The following PTPRK variants were observed in gnomAD, a reference collection of about 807,000 sequenced individuals.
The protein encoded by PTPRK is receptor-type tyrosine-protein phosphatase kappa.
Under a neutral mutation model 178.0 loss-of-function variants are expected in PTPRK, and 75 were observed. The observed-to-expected ratio is 0.42, with a 90% CI of 0.35 to 0.51. The LOEUF is 0.51. Ranked by LOEUF, PTPRK falls within the 20% of genes least tolerant of loss-of-function variation. PTPRK has a pLI of 0.02. For missense variants in PTPRK, 1,441 were observed against 1,797.8 expected, an observed-to-expected ratio of 0.80 and a Z score of 3.59; for synonymous variants, 637 against 620.6, an observed-to-expected ratio of 1.03 and a Z score of -0.39.
intron 2 of PTPRK, among the ~76,000 whole-genome samples, chr6:128,363,548 A>G (rs931422255): frequency 6.6e-6 from 1 of 152,142 alleles, no homozygotes; most frequent in African/African-American, 2.4e-5. Context: ...CTACTTGATA[A>G]AACAGTACCT....
intron 13 of PTPRK, among the ~76,000 whole-genome samples, chr6:128,059,972 G>C (rs893184546): frequency 6.6e-6 from 1 of 152,066 alleles, no homozygotes; most frequent in South Asian, 2.1e-4. Context: ...CACCCTTGAA[G>C]GTCCTCAACT....
intron 2 of PTPRK, among the ~76,000 whole-genome samples, chr6:128,325,390 C>T (rs1584166820): frequency 6.6e-6 from 1 of 152,090 alleles, no homozygotes; most frequent in South Asian, 2.1e-4. Context: ...AACAGGCAAA[C>T]TACAGAATGG....
chr6:128,133,021 C>T lies in PTPRK; in HGVS notation c.1163-43029G>A, dbSNP rs1229247587. On this transcript the variant is annotated intron_variant, in intron 7 of 29. Coordinates refer to ENST00000368226, the MANE Select transcript of PTPRK (RefSeq NM_002844.4). ...TGAAGTAGAACTGATACATTTCTAA[C>T]AAAAACTCATTAGTCAAAAATTCCA... 7.9e-5 allele frequency among the ~76,000 whole-genome samples: 12 copies of T among 152,264 alleles called. No homozygotes were observed. In the South Asian group the frequency reaches 2.5e-3, roughly 32 times the overall value.
At chr6:128,104,548 A>G (rs1789364688) in intron 7 of PTPRK, among the ~76,000 whole-genome samples, 1 of 152,180 alleles carries the variant, frequency 6.6e-6, no homozygotes, top group Non-Finnish European at 1.5e-5. Context: ...ATACTAAAAT[A>G]CTTGGTACGT....
At chr6:128,456,999 C>G (rs998124147) in intron 1 of PTPRK, among the ~76,000 whole-genome samples, 4 of 152,014 alleles carry the variant, frequency 2.6e-5, no homozygotes, top group Admixed American at 1.3e-4. Flanking sequence ...CTATTTGGTC[C>G]TGCAGTGAAG....
intron 5 of PTPRK, chr6:128,235,436 A>G (rs1457285668): frequency 7.4e-6 from 2 of 269,932 alleles, no homozygotes; most frequent in Non-Finnish European, 1.6e-5. Context: ...ATATGTTATA[A>G]TTTCACTTTT....
chr6:128,097,424 C>T (rs1261384564), intron 7 of PTPRK, among the ~76,000 whole-genome samples: 1 of 152,102 alleles, frequency 6.6e-6, no homozygotes, highest in African/African-American at 2.4e-5. Context: ...ACACTTGGAT[C>T]CTCTCTGCAT....
intron 7 of PTPRK, among the ~76,000 whole-genome samples, chr6:128,125,133 G>C (rs1793130173): frequency 6.6e-6 from 1 of 152,130 alleles, no homozygotes; most frequent in Non-Finnish European, 1.5e-5. Flanking sequence ...TGTCTCTATA[G>C]TTTTGCCTTT....
intron 7 of PTPRK, among the ~76,000 whole-genome samples, chr6:128,125,535 T>C (rs1793192759): frequency 6.6e-6 from 1 of 151,748 alleles, no homozygotes; most frequent in Non-Finnish European, 1.5e-5. Context: ...TGTTATAAAT[T>C]ACCCAGTCTT....
chr6:128,370,350 C>T (rs1323071116), intron 2 of PTPRK, among the ~76,000 whole-genome samples: 1 of 152,058 alleles, frequency 6.6e-6, no homozygotes, highest in African/African-American at 2.4e-5. Flanking sequence ...TAGTTGCTCA[C>T]AGCTACAGAA....
chr6:128,298,102 C>A (rs1306653873), intron 3 of PTPRK, among the ~76,000 whole-genome samples: 2 of 152,140 alleles, frequency 1.3e-5, no homozygotes, highest in African/African-American at 4.8e-5. Context: ...ACTACAAACA[C>A]CTCTAAGCAA....
intron 7 of PTPRK, among the ~76,000 whole-genome samples, chr6:128,109,974 T>C (rs1790376304): frequency 6.6e-6 from 1 of 152,082 alleles, no homozygotes; most frequent in Admixed American, 6.6e-5. Flanking sequence ...GGCTCAATCA[T>C]AGCTCACCTT....
chr6:128,450,289 T>C (rs1394307613), intron 1 of PTPRK, among the ~76,000 whole-genome samples: 2 of 152,226 alleles, frequency 1.3e-5, no homozygotes, highest in Non-Finnish European at 2.9e-5. Flanking sequence ...AAATTCACTG[T>C]GAAGCATTAT....
chr6:128,375,982 T>C (rs1837017377), intron 2 of PTPRK, among the ~76,000 whole-genome samples: 1 of 152,186 alleles, frequency 6.6e-6, no homozygotes, highest in Non-Finnish European at 1.5e-5. Flanking sequence ...TCCACCTCTG[T>C]GGCTTTACAT....
intron 5 of PTPRK, among the ~76,000 whole-genome samples, chr6:128,220,301 T>C (rs1366460976): frequency 1.3e-5 from 2 of 152,050 alleles, no homozygotes; most frequent in African/African-American, 4.8e-5. Context: ...GTGAATAGGG[T>C]ATAAAAAAGA....
intron 2 of PTPRK, among the ~76,000 whole-genome samples, chr6:128,354,487 G>T (rs137858137): frequency 6.6e-6 from 1 of 151,672 alleles, no homozygotes; most frequent in African/African-American, 2.4e-5. Flanking sequence ...TGCCCGCCTC[G>T]GCCTCCCAAA....
chr6:128,306,480 G>A (rs932710367), intron 3 of PTPRK, among the ~76,000 whole-genome samples: 4 of 152,150 alleles, frequency 2.6e-5, no homozygotes, highest in African/African-American at 7.2e-5. Flanking sequence ...ATGACAAAGA[G>A]GAATTAATAA....
chr6:128,439,564 T>A (rs1207335470), intron 1 of PTPRK, among the ~76,000 whole-genome samples: 1 of 152,182 alleles, frequency 6.6e-6, no homozygotes, highest in African/African-American at 2.4e-5. Context: ...AAACCTATGC[T>A]TTGGGGTAAA....
chr6:128,188,276 A>C (rs1317297254), intron 6 of PTPRK, among the ~76,000 whole-genome samples: 1 of 152,170 alleles, frequency 6.6e-6, no homozygotes, highest in African/African-American at 2.4e-5. Flanking sequence ...AAGTGTCTTG[A>C]AATCAAGCAA....
Sources: gnomAD v4.1 joint callset for allele counts (sites outside exome capture counted in the v4.1 genomes callset) on GRCh38, gnomAD v4.1.1 for gene constraint, MANE v1.5 for transcripts, NCBI Gene and HGNC (gene_info 2026-07-23, HGNC 2026-07-21) for gene names.